NARS1: variants seen among roughly 807,000 people sequenced by gnomAD.
The protein encoded by NARS1 is asparagine--tRNA ligase, cytoplasmic.
Under a neutral mutation model 79.2 loss-of-function variants are expected in NARS1, and 65 were observed. The observed-to-expected ratio is 0.82, with a 90% CI of 0.67 to 1.01. The LOEUF is 1.01. Among genes scored for constraint, NARS1 ranks in the 50% least tolerant of loss-of-function variants. NARS1 has a pLI of 0.00. For missense variants in NARS1, 649 were observed against 673.8 expected (o/e 0.96, Z 0.41); for synonymous variants, 229 against 238.8 (o/e 0.96, Z 0.38).
chr18:57,607,047 AAAACAT>A, intron 9 of NARS1, 81 bp downstream of exon 9: 1 of 1,382,214 alleles, frequency 7.2e-7, no homozygotes, highest in Non-Finnish European at 9.9e-7. Context: ...GGTTTTTTTT[AAAACAT>A]AAACATAATT....
At chr18:57,616,789 T>A (rs936182245) in intron 2 of NARS1, among the ~76,000 whole-genome samples, 11 of 151,868 alleles carry the variant, frequency 7.2e-5, no homozygotes, top group African/African-American at 2.7e-4. Context: ...GATCACCAGG[T>A]CAGGAGATCG....
rs1365684061 is a variant in NARS1 at position 57,602,792 on chromosome 18, T to A, written c.1383+20A>T. Reference sequence around the variant, plus strand: ...CCTTAAAAAGCAAAATTATTAATACTCTTTGAAACAGAAACTGACAGATTC... The same window carrying A: ...CCTTAAAAAGCAAAATTATTAATACACTTTGAAACAGAAACTGACAGATTC... On this transcript the variant is annotated intron_variant, in intron 12 of 13. Transcript: ENST00000256854. The A allele has an allele frequency of 1.7e-5, 27 of 1,612,978 alleles. No homozygotes were observed. The highest frequency in any genetic ancestry group is 2.1e-5 in the Non-Finnish European group (25 of 1,179,528).
At chr18:57,621,577 C>CCACA in intron 1 of NARS1, 131 bp downstream of exon 1, 1 of 575,328 alleles carries the variant, frequency 1.7e-6, no homozygotes, top group Non-Finnish European at 3.3e-6. Flanking sequence ...TCCCTCCCTC[C>CCACA]CTGCAATCGG....
chr18:57,603,690 G>C (rs1035490155), intron 11 of NARS1, among the ~76,000 whole-genome samples: 4 of 152,210 alleles, frequency 2.6e-5, no homozygotes, highest in Non-Finnish European at 4.4e-5. Flanking sequence ...TCATAGATTT[G>C]TTTAATGAAG....
At chr18:57,605,651 C>T (rs563485579) in intron 11 of NARS1, among the ~76,000 whole-genome samples, 22 of 151,142 alleles carry the variant, frequency 1.5e-4, no homozygotes, top group African/African-American at 4.1e-4. Context: ...AACTCACTTA[C>T]GCTTACTGGG....
rs747368864 is a variant in NARS1, at chr18:57,606,606, C to T, written c.1137+10G>A. 6.8e-6 allele frequency: 11 copies of T among 1,611,930 alleles called. No individual in the cohort carries two copies. The South Asian group carries it at 9.9e-5, about 15-fold the overall frequency. The stretch of plus-strand genomic sequence containing the variant: ...CTGTGACTTTTTCTTTCCATAAACA[C>T]TGCACCTACCGGGTTGAGCTCATGC... On this transcript the variant is annotated intron_variant, in intron 10 of 13. Coordinates refer to ENST00000256854, the MANE Select transcript of NARS1 (RefSeq NM_004539.4).
chr18:57,616,585 G>C (rs1469828104), intron 2 of NARS1, among the ~76,000 whole-genome samples: 1 of 152,182 alleles, frequency 6.6e-6, no homozygotes, highest in African/African-American at 2.4e-5. Flanking sequence ...ACAGGTACAA[G>C]GACAACAGAA....
chr18:57,609,469 T>G (rs755459031), intron 6 of NARS1, 26 bp from the exon 7 acceptor site: 2 of 1,581,578 alleles, frequency 1.3e-6, no homozygotes, highest in Admixed American at 3.4e-5. Flanking sequence ...AGCTCAAATT[T>G]AGTTATTCAC....
chr18:57,613,344 T>G (rs911515483), intron 5 of NARS1, among the ~76,000 whole-genome samples: 11 of 151,388 alleles, frequency 7.3e-5, no homozygotes, highest in African/African-American at 2.4e-4. Flanking sequence ...ATTACAAAAA[T>G]CAGCCAGGTG....
In NARS1 at chr18:57,615,809, G is replaced by A. The variant is rs1257736346; in HGVS notation, c.252+8C>T. 1.2e-6 allele frequency: 2 copies of A among 1,612,158 alleles called. No individual in the cohort carries two copies. The highest frequency in any genetic ancestry group is 2.2e-5 in the East Asian group (1 of 44,866). On this transcript the variant is annotated splice_region_variant and intron_variant, in intron 3 of 13. Coordinates refer to ENST00000256854, the MANE Select transcript of NARS1 (RefSeq NM_004539.4). The stretch of plus-strand genomic sequence containing the variant: ...AACAACGTTCACGATGGCAAGGTCA[G>A]GACTCACCTCTTTCTTTTCCCGGGA...
chr18:57,607,953 C>T (rs1467525535), intron 7 of NARS1, among the ~76,000 whole-genome samples: 2 of 151,566 alleles, frequency 1.3e-5, no homozygotes, highest in African/African-American at 2.4e-5. Context: ...CAGCAACCTC[C>T]GCCTCCTGGG....
intron 7 of NARS1, 53 bp from the exon 8 acceptor site, chr18:57,607,718 T>A (rs1431990046): frequency 7.0e-7 from 1 of 1,421,130 alleles, no homozygotes; most frequent in Admixed American, 2.4e-5. Context: ...AAATAAAAAA[T>A]TAACAGTATT....
chr18:57,606,566 T>A, intron 10 of NARS1, 50 bp downstream of exon 10: 1 of 1,574,280 alleles, frequency 6.4e-7, no homozygotes, highest in South Asian at 1.2e-5. Flanking sequence ...GACTTCATTG[T>A]CTTCCAAAAA....
chr18:57,605,101 A>G (rs902795492), intron 11 of NARS1, among the ~76,000 whole-genome samples: 9 of 142,916 alleles, frequency 6.3e-5, no homozygotes, highest in Non-Finnish European at 1.1e-4. Context: ...TCTTTTTAAA[A>G]GCACAAGATA....
At chr18:57,620,065 C>A (rs1224783629) in intron 2 of NARS1, among the ~76,000 whole-genome samples, 1 of 152,084 alleles carries the variant, frequency 6.6e-6, no homozygotes, top group Non-Finnish European at 1.5e-5. Context: ...GAAATAACAG[C>A]ACTGTTAATT....
chr18:57,620,855 T>C (rs2048953), intron 1 of NARS1, among the ~76,000 whole-genome samples: 23,601 of 152,244 alleles, frequency 0.16, 2,114 homozygotes, highest in Non-Finnish European at 0.2. Context: ...ATCCAGGTTT[T>C]CAAAATGAAC....
chr18:57,616,766 G>A (rs1324316703), intron 2 of NARS1, among the ~76,000 whole-genome samples: 1 of 151,576 alleles, frequency 6.6e-6, no homozygotes, highest in African/African-American at 2.4e-5. Flanking sequence ...ATTCTGGGGG[G>A]CCGAGGAGGG....
intron 11 of NARS1, among the ~76,000 whole-genome samples, chr18:57,604,642 T>C (rs552721372): frequency 6.6e-6 from 1 of 151,878 alleles, no homozygotes; most frequent in South Asian, 2.1e-4. Flanking sequence ...GTAATCCCAA[T>C]ACTTTGGAAA....
chr18:57,613,767 GT>G, intron 4 of NARS1, 87 bp from the exon 5 acceptor site: 3 of 1,126,494 alleles, frequency 2.7e-6, no homozygotes, highest in Non-Finnish European at 3.9e-6. Context: ...ACGGTAGTAA[GT>G]GTTAAAAATC....
Sources: gnomAD v4.1 joint callset for allele counts (sites outside exome capture counted in the v4.1 genomes callset) on GRCh38, gnomAD v4.1.1 for gene constraint, MANE v1.5 for transcripts, NCBI Gene and HGNC (gene_info 2026-07-23, HGNC 2026-07-21) for gene names.